LRRC4C: variants seen among roughly 807,000 people sequenced by gnomAD.
LRRC4C encodes leucine rich repeat containing 4C.
In LRRC4C, 5 loss-of-function variants were observed where a neutral mutation model predicts 33.6. The observed-to-expected ratio is 0.15, with a 90% CI of 0.08 to 0.31. The LOEUF is 0.31. LRRC4C is among the 10% of genes least tolerant of loss of function. The pLI is 1.00. For synonymous variants in LRRC4C, 329 were observed against 302.0 expected, an observed-to-expected ratio of 1.09 and a Z score of -0.93; for missense variants, 560 against 796.7, an observed-to-expected ratio of 0.70 and a Z score of 3.58.
Position 40,887,208 on chromosome 11 carries a change from T to TAA in LRRC4C, c.-407+46425_-407+46426dup, listed in dbSNP as rs34582420. ...ACAAAAGTCTTCCAGCTAATACACA[T>TAA]AAAAAAAAGATTTTGAAAAATCATT... On this transcript the variant is annotated intron_variant, in intron 2 of 6. Transcript: ENST00000528697. Among the ~76,000 whole-genome samples the TAA allele has an allele frequency of 2.1e-3, 319 of 150,724 alleles. 2 individuals are homozygous for TAA. The highest frequency in any genetic ancestry group is 7.0e-3 in the African/African-American group (290 of 41,152).
At chr11:41,215,149 T>C (rs1282230833) in intron 1 of LRRC4C, among the ~76,000 whole-genome samples, 1 of 151,280 alleles carries the variant, frequency 6.6e-6, no homozygotes, top group Non-Finnish European at 1.5e-5. Context: ...TGTGCAATAA[T>C]CACCCATATC....
chr11:41,355,999 AG>A (rs1952147833), intron 1 of LRRC4C, among the ~76,000 whole-genome samples: 1 of 152,148 alleles, frequency 6.6e-6, no homozygotes, highest in Admixed American at 6.6e-5. Context: ...GATGATAATA[AG>A]TTTTCATTAG....
At chr11:40,970,337 T>C (rs950775488) in intron 1 of LRRC4C, among the ~76,000 whole-genome samples, 2 of 152,128 alleles carry the variant, frequency 1.3e-5, no homozygotes, top group African/African-American at 4.8e-5. Flanking sequence ...GTGATTTCTC[T>C]GGAGTTCTGG....
At chr11:40,274,380 CTAG>C (rs1470724901) in intron 4 of LRRC4C, among the ~76,000 whole-genome samples, 1 of 139,908 alleles carries the variant, frequency 7.1e-6, no homozygotes, top group Non-Finnish European at 1.5e-5. Context: ...TTAGTGGAAG[CTAG>C]TATGAAATTA....
intron 1 of LRRC4C, among the ~76,000 whole-genome samples, chr11:41,443,458 C>G (rs2138562152): frequency 6.6e-6 from 1 of 152,156 alleles, no homozygotes; most frequent in Middle Eastern, 3.4e-3. Flanking sequence ...ACAGTGAGCC[C>G]TCATCATGCC....
chr11:41,277,209 A>C (rs1041139782), intron 1 of LRRC4C, among the ~76,000 whole-genome samples: 1 of 152,214 alleles, frequency 6.6e-6, no homozygotes, highest in Non-Finnish European at 1.5e-5. Flanking sequence ...CAATTTAAAA[A>C]TAACATGAAT....
intron 5 of LRRC4C, among the ~76,000 whole-genome samples, chr11:40,222,058 T>G (rs1781094276): frequency 6.6e-6 from 1 of 152,142 alleles, no homozygotes; most frequent in Non-Finnish European, 1.5e-5. Flanking sequence ...TCCTACAGCT[T>G]TCCCATTTCC....
intron 3 of LRRC4C, among the ~76,000 whole-genome samples, chr11:40,440,828 C>T (rs923980710): frequency 4.6e-5 from 7 of 151,484 alleles, no homozygotes; most frequent in African/African-American, 1.7e-4. Flanking sequence ...GGAGTCCGCT[C>T]ATTTTGTGCA....
chr11:41,226,272 A>G (rs1947529941), intron 1 of LRRC4C, among the ~76,000 whole-genome samples: 1 of 152,098 alleles, frequency 6.6e-6, no homozygotes, highest in African/African-American at 2.4e-5. Context: ...CATAGAAAAA[A>G]TCTCTTCTTT....
chr11:40,334,994 T>A (rs1946533935), intron 3 of LRRC4C, among the ~76,000 whole-genome samples: 1 of 152,174 alleles, frequency 6.6e-6, no homozygotes, highest in Non-Finnish European at 1.5e-5. Flanking sequence ...TGTCACAAAA[T>A]CCCATGTATT....
chr11:41,393,872 C>T (rs571582642), intron 1 of LRRC4C, among the ~76,000 whole-genome samples: 1 of 152,090 alleles, frequency 6.6e-6, no homozygotes, highest in Admixed American at 6.6e-5. Context: ...AATTCCATAA[C>T]ATCCATTTCC....
At chr11:41,392,161 A>G (rs1363767964) in intron 1 of LRRC4C, among the ~76,000 whole-genome samples, 1 of 151,920 alleles carries the variant, frequency 6.6e-6, no homozygotes, top group African/African-American at 2.4e-5. Flanking sequence ...ATGATAAGGC[A>G]CTTTCATCTA....
At chr11:40,256,563 T>G (rs1455585935) in intron 4 of LRRC4C, among the ~76,000 whole-genome samples, 1 of 152,136 alleles carries the variant, frequency 6.6e-6, no homozygotes, top group Non-Finnish European at 1.5e-5. Flanking sequence ...TATAAGTGAA[T>G]GAATGAATGA....
chr11:40,120,318 A>T (rs1262751243), intron 6 of LRRC4C, among the ~76,000 whole-genome samples: 1 of 152,246 alleles, frequency 6.6e-6, no homozygotes, highest in African/African-American at 2.4e-5. Flanking sequence ...TGTGGTTGGT[A>T]GGTTTCACAA....
intron 3 of LRRC4C, among the ~76,000 whole-genome samples, chr11:40,561,157 C>T (rs979853563): frequency 2.6e-5 from 4 of 152,104 alleles, no homozygotes; most frequent in Non-Finnish European, 5.9e-5. Context: ...CAGCACAATG[C>T]TAATCACATA....
intron 1 of LRRC4C, among the ~76,000 whole-genome samples, chr11:41,118,663 T>C (rs1328741606): frequency 6.6e-6 from 1 of 152,092 alleles, no homozygotes; most frequent in East Asian, 1.9e-4. Flanking sequence ...GACAAATCAG[T>C]CTCCCCACCT....
intron 3 of LRRC4C, among the ~76,000 whole-genome samples, chr11:40,576,784 T>C (rs992120499): frequency 6.6e-6 from 1 of 152,192 alleles, no homozygotes; most frequent in Non-Finnish European, 1.5e-5. Context: ...TCTCTCTTGT[T>C]TGAAGGAGAC....
At chr11:40,553,698 G>A (rs1017566891) in intron 3 of LRRC4C, among the ~76,000 whole-genome samples, 1 of 152,120 alleles carries the variant, frequency 6.6e-6, no homozygotes, top group Non-Finnish European at 1.5e-5. Context: ...ATTTTGTCAT[G>A]TTTCTTGACT....
intron 1 of LRRC4C, among the ~76,000 whole-genome samples, chr11:41,297,179 T>C (rs919187181): frequency 6.6e-6 from 1 of 152,220 alleles, no homozygotes; most frequent in African/African-American, 2.4e-5. Flanking sequence ...ATGAAATGTA[T>C]CACATTGATT....
Sources: gnomAD v4.1 joint callset for allele counts (sites outside exome capture counted in the v4.1 genomes callset) on GRCh38, gnomAD v4.1.1 for gene constraint, MANE v1.5 for transcripts, NCBI Gene and HGNC (gene_info 2026-07-23, HGNC 2026-07-21) for gene names.